The following VSTM5 variants were observed in gnomAD, a reference collection of about 807,000 sequenced individuals.
VSTM5 encodes the protein V-set and transmembrane domain containing 5, also known as V-set and transmembrane domain-containing protein 5.
VSTM5 carries 21 observed loss-of-function variants against 20.3 expected under a neutral mutation model. The ratio of observed to expected loss-of-function variants is 1.03; its 90% CI spans 0.73 to 1.49. VSTM5 has a LOEUF of 1.49. VSTM5 is among the 40% of genes most tolerant of loss of function. VSTM5 has a pLI of 0.00. For synonymous variants in VSTM5, 100 were observed against 102.5 expected (o/e 0.98, Z 0.14); for missense variants, 219 against 250.0 (o/e 0.88, Z 0.84).
intron 1 of VSTM5, among the ~76,000 whole-genome samples, chr11:93,847,678 T>C (rs1051930360): frequency 6.6e-6 from 1 of 152,226 alleles, no homozygotes; most frequent in Non-Finnish European, 1.5e-5. Flanking sequence ...TGATGGCTAA[T>C]GTACTGGGAA....
At chr11:93,831,346 C>T (rs981021421) in intron 1 of VSTM5, among the ~76,000 whole-genome samples, 1 of 152,180 alleles carries the variant, frequency 6.6e-6, no homozygotes, top group Non-Finnish European at 1.5e-5. Context: ...ATCCATGTTG[C>T]TGCCCAACTC....
chr11:93,849,119 ATAT>A (rs1446015621), intron 1 of VSTM5, among the ~76,000 whole-genome samples: 1 of 152,036 alleles, frequency 6.6e-6, no homozygotes, highest in African/African-American at 2.4e-5. Flanking sequence ...AGTTAACATA[ATAT>A]TATTTTTTCT....
At position 93,850,526 on chromosome 11, in the gene VSTM5, C is replaced by A. The variant is rs1311950866; in HGVS notation, c.-24G>T. The A allele has an allele frequency of 6.5e-6, 10 of 1,538,838 alleles. No individual in the cohort carries two copies. The highest frequency in any genetic ancestry group is 1.4e-5 in the African/African-American group (1 of 72,744). On this transcript the variant is annotated 5_prime_UTR_variant, in exon 1 of 4. Coordinates refer to ENST00000409977, the MANE Select transcript of VSTM5 (RefSeq NM_001144871.2). ...ATGGGCGAGCCCGGGGCCTCGCGGG[C>A]CGGGGTGTGTGCTGGCCGCACCGCG...
At chr11:93,823,786 C>A (rs1944209699) in intron 1 of VSTM5, among the ~76,000 whole-genome samples, 1 of 152,122 alleles carries the variant, frequency 6.6e-6, no homozygotes, top group South Asian at 2.1e-4. Context: ...TCTATGGACA[C>A]TTGGATAGTT....
At chr11:93,843,133 A>G (rs1944384430) in intron 1 of VSTM5, among the ~76,000 whole-genome samples, 1 of 151,920 alleles carries the variant, frequency 6.6e-6, no homozygotes, top group Non-Finnish European at 1.5e-5. Flanking sequence ...ACTGGATACC[A>G]CAGGTTCGAG....
At chr11:93,828,055 A>T (rs1565300341) in intron 1 of VSTM5, among the ~76,000 whole-genome samples, 1 of 152,220 alleles carries the variant, frequency 6.6e-6, no homozygotes, top group East Asian at 1.9e-4. Context: ...AATAATTTTT[A>T]AAAATGTACT....
At chr11:93,836,995 G>C (rs1944328215) in intron 1 of VSTM5, among the ~76,000 whole-genome samples, 1 of 128,560 alleles carries the variant, frequency 7.8e-6, no homozygotes, top group African/African-American at 3.3e-5. Context: ...CCTTCTTTTT[G>C]CCTGAAAAAA....
intron 1 of VSTM5, among the ~76,000 whole-genome samples, chr11:93,829,088 C>T (rs982595196): frequency 3.9e-5 from 6 of 152,208 alleles, no homozygotes; most frequent in African/African-American, 7.2e-5. Context: ...ATCCAGGAGC[C>T]GCAGCCCCCA....
chr11:93,836,904 G>A (rs922042519), intron 1 of VSTM5, among the ~76,000 whole-genome samples: 1 of 151,776 alleles, frequency 6.6e-6, no homozygotes, highest in Non-Finnish European at 1.5e-5. Flanking sequence ...CAGAACCCAG[G>A]ACTATGCCAA....
chr11:93,840,925 A>C (rs1944365423), intron 1 of VSTM5, among the ~76,000 whole-genome samples: 1 of 152,148 alleles, frequency 6.6e-6, no homozygotes, highest in South Asian at 2.1e-4. Context: ...TGGGGCAGGG[A>C]ATCTGAGGCC....
Position 93,850,616 on chromosome 11 carries a change from G to T in VSTM5, c.-114C>A. On this transcript the variant is annotated 5_prime_UTR_variant, in exon 1 of 4. It adds an upstream start codon to the 5' untranslated region. Coordinates refer to ENST00000409977, the MANE Select transcript of VSTM5 (RefSeq NM_001144871.2). ...GGCTGCCGCAGGTTCTTTAGGGCCA[G>T]ATGCAGATGAGCTGGTTGTACTCTG... The T allele has an allele frequency of 3.2e-6, 1 of 311,488 alleles. No individual in the cohort carries two copies. The allele number at this position is 311,488 out of a possible 1,614,324, so 19.3% of individuals were successfully genotyped here. A position where few individuals can be genotyped will look rare whatever the true frequency, so the allele number is the denominator to read the frequency against.
At chr11:93,826,340 T>C (rs1944237911) in intron 1 of VSTM5, among the ~76,000 whole-genome samples, 1 of 152,208 alleles carries the variant, frequency 6.6e-6, no homozygotes, top group South Asian at 2.1e-4. Context: ...CTGCTCTTCT[T>C]TTTCTATTAG....
intron 1 of VSTM5, among the ~76,000 whole-genome samples, chr11:93,825,271 G>A (rs930021831): frequency 6.6e-6 from 1 of 151,936 alleles, no homozygotes; most frequent in Non-Finnish European, 1.5e-5. Flanking sequence ...TGGGGTTAAG[G>A]TGATCCTCCC....
intron 1 of VSTM5, among the ~76,000 whole-genome samples, chr11:93,840,019 C>T (rs1341940129): frequency 6.6e-6 from 1 of 152,096 alleles, no homozygotes; most frequent in Non-Finnish European, 1.5e-5. Context: ...GCCAGATTGC[C>T]AGCAAACCAC....
intron 1 of VSTM5, 58 bp downstream of exon 1, chr11:93,850,354 C>A: frequency 6.8e-7 from 1 of 1,460,146 alleles, no homozygotes; most frequent in South Asian, 1.3e-5. Flanking sequence ...GGGGCCCCGC[C>A]CGTGCCCCCC....
chr11:93,820,379 G>A lies in VSTM5; in HGVS notation c.*190C>T, dbSNP rs1374732631. On this transcript the variant is annotated 3_prime_UTR_variant, in exon 4 of 4. Coordinates refer to ENST00000409977, the MANE Select transcript of VSTM5 (RefSeq NM_001144871.2). ...TCACTCTTCTCCTTGAACTTAGCGCGAGTCCTAATACTAGCTTTGTCCCAT... is the reference window on the plus strand; with the variant it reads ...TCACTCTTCTCCTTGAACTTAGCGCAAGTCCTAATACTAGCTTTGTCCCAT... The A allele has an allele frequency of 1.1e-5, 7 of 619,410 alleles. No homozygotes were observed. Among genetic ancestry groups the A allele is most frequent in the African/African-American group, 1.1e-4 (6 of 53,998 alleles). 38.4% of individuals were successfully genotyped at this position (619,410 alleles called of 1,614,324 possible). A position where few individuals can be genotyped will look rare whatever the true frequency, so the allele number is the denominator to read the frequency against.
intron 1 of VSTM5, among the ~76,000 whole-genome samples, chr11:93,837,098 C>T (rs529833106): frequency 2.8e-4 from 42 of 151,700 alleles, no homozygotes; most frequent in Admixed American, 1.6e-3. Context: ...GTGTCATGAT[C>T]TTGGCTCACT....
At chr11:93,826,514 C>T (rs980802228) in intron 1 of VSTM5, among the ~76,000 whole-genome samples, 1 of 152,020 alleles carries the variant, frequency 6.6e-6, no homozygotes, top group Non-Finnish European at 1.5e-5. Flanking sequence ...TCTCCTGCCT[C>T]AGCCACCCGA....
At chr11:93,840,214 T>C (rs2135737773) in intron 1 of VSTM5, among the ~76,000 whole-genome samples, 1 of 152,354 alleles carries the variant, frequency 6.6e-6, no homozygotes, top group South Asian at 2.1e-4. Context: ...TCCTCAGTTT[T>C]CTGATTGAAA....
Sources: allele counts gnomAD v4.1 joint callset (sites outside exome capture counted in the v4.1 genomes callset), GRCh38; gene constraint gnomAD v4.1.1; transcripts MANE v1.5; gene names NCBI Gene and HGNC (gene_info 2026-07-23, HGNC 2026-07-21).